The following PCDHGA10 variants were observed in gnomAD, a reference collection of about 807,000 sequenced individuals.
PCDHGA10 encodes protocadherin gamma subfamily A, 10.
Under a neutral mutation model 59.5 loss-of-function variants are expected in PCDHGA10, and 42 were observed. The observed-to-expected ratio is 0.71, with a 90% CI of 0.55 to 0.91. The LOEUF (loss-of-function observed/expected upper bound fraction) is 0.91, where lower values mean the gene tolerates loss of function less well. Among genes scored for constraint, PCDHGA10 ranks in the 40% least tolerant of loss-of-function variants. PCDHGA10 has a pLI of 0.00. For missense variants in PCDHGA10, 1,111 were observed against 1,198.2 expected (o/e 0.93, Z 1.07); for synonymous variants, 511 against 517.2 (o/e 0.99, Z 0.16).
At position 141,484,105 on chromosome 5, in the gene PCDHGA10, A is replaced by G. The variant is rs548687877; in HGVS notation, c.2437-10702A>G. On this transcript the variant is annotated intron_variant, in intron 1 of 3. Coordinates refer to ENST00000398610, the MANE Select transcript of PCDHGA10 (RefSeq NM_018913.3). Reference sequence around the variant, plus strand: ...GAAATGGTCTTCGTTGGTAATTAACAAAAGATCAAGAATACCTTGGTGTCA... The same window carrying G: ...GAAATGGTCTTCGTTGGTAATTAACGAAAGATCAAGAATACCTTGGTGTCA... Among the ~76,000 whole-genome samples, 3 of 152,316 alleles carry G rather than the reference A, an allele frequency of 2.0e-5. No individual in the cohort carries two copies. In the South Asian group the frequency reaches 6.2e-4, roughly 32 times the overall value.
Position 141,476,464 on chromosome 5 carries a change from G to A in PCDHGA10, c.2437-18343G>A, listed in dbSNP as rs745664477. On this transcript the variant is annotated intron_variant, in intron 1 of 3. Transcript: ENST00000398610. This position sits in a 1 kb window ranked among gnomAD's most constrained non-coding sequence, Gnocchi z 7.6. ...TGGAGTTGGTAGTGGAGAACCCGCT[G>A]GAGCTGTTCAGCGTGGAAGTGGTGA... 3 of 1,614,140 alleles carry A rather than the reference G, an allele frequency of 1.9e-6. No homozygotes were observed. Among genetic ancestry groups the A allele is most frequent in the Non-Finnish European group, 2.5e-6 (3 of 1,180,014 alleles).
At chr5:141,446,231 C>T (rs1412899811) in intron 1 of PCDHGA10, among the ~76,000 whole-genome samples, 2 of 152,176 alleles carry the variant, frequency 1.3e-5, no homozygotes, top group African/African-American at 2.4e-5. Flanking sequence ...TGTTGCCTGG[C>T]AAGTGGTAGA....
At chr5:141,419,803 T>C (rs2096436352) in intron 1 of PCDHGA10, 3 of 1,614,026 alleles carry the variant, frequency 1.9e-6, no homozygotes, top group Non-Finnish European at 2.5e-6. Context: ...CTGTAAGAGA[T>C]GGAGGACAGC....
chr5:141,484,653 C>G (rs2099598614), intron 1 of PCDHGA10, among the ~76,000 whole-genome samples: 1 of 152,036 alleles, frequency 6.6e-6, no homozygotes, highest in Non-Finnish European at 1.5e-5. Flanking sequence ...AATGGCTACT[C>G]TCCCTCTCAG....
intron 2 of PCDHGA10, among the ~76,000 whole-genome samples, chr5:141,495,452 C>G (rs543717781): frequency 1.3e-5 from 2 of 152,356 alleles, no homozygotes; most frequent in South Asian, 2.1e-4. Context: ...TTGTCCTGCT[C>G]TCTGTCTGTG....
At position 141,432,942 on chromosome 5, in the gene PCDHGA10, C is replaced by G. The variant is rs1346694514; in HGVS notation, c.2436+17331C>G. ...CACAAGTCACGCCTGCTGCAGGCTT[C>G]AGGAGGCGGCTTGACAGGAGCGCCG... On this transcript the variant is annotated intron_variant, in intron 1 of 3. Coordinates refer to ENST00000398610, the MANE Select transcript of PCDHGA10 (RefSeq NM_018913.3). The surrounding 1 kb of genome is among the most constrained non-coding windows in gnomAD (Gnocchi z 6.0). The G allele has an allele frequency of 1.2e-6, 2 of 1,614,190 alleles. No individual in the cohort carries two copies. Among genetic ancestry groups the G allele is most frequent in the Non-Finnish European group, 1.7e-6 (2 of 1,180,036 alleles).
chr5:141,475,653 G>T (rs982063429), intron 1 of PCDHGA10, among the ~76,000 whole-genome samples: 2 of 152,238 alleles, frequency 1.3e-5, no homozygotes, highest in African/African-American at 2.4e-5. Context: ...CAAAGAAAGT[G>T]ATTCAAATGT....
chr5:141,494,729 C>T (rs2099756368), intron 1 of PCDHGA10, 78 bp from the exon 2 acceptor site: 31 of 1,610,050 alleles, frequency 1.9e-5, no homozygotes, highest in Admixed American at 3.3e-5. Flanking sequence ...CCTTCTCTCC[C>T]GGCCCATCCC....
Position 141,511,107 on chromosome 5 carries a change from G to A in PCDHGA10, c.2745G>A (p.Arg915=), listed in dbSNP as rs2099883608. 1 of 1,614,220 alleles carries A rather than the reference G, an allele frequency of 6.2e-7. No homozygotes were observed. Among genetic ancestry groups the A allele is most frequent in the Non-Finnish European group, 8.5e-7 (1 of 1,180,020 alleles). Residue 915 remains arginine, a synonymous_variant, in exon 4 of 4, where the codon CGG becomes CGA. Coordinates refer to ENST00000398610, the MANE Select transcript of PCDHGA10 (RefSeq NM_018913.3). Reference sequence around the variant, plus strand: ...CACTGACCAACGCAGCTGGCAAGCGGGATGGCAAGGCCCCAGCAGGTGGCA... The same window carrying A: ...CACTGACCAACGCAGCTGGCAAGCGAGATGGCAAGGCCCCAGCAGGTGGCA... The part of the protein sequence containing the change: ...NATLTNAAGK[R]DGKAPAGGNG...
Position 141,431,682 on chromosome 5 carries a change from A to C in PCDHGA10, c.2436+16071A>C. The C allele has an allele frequency of 1.2e-6, 2 of 1,614,232 alleles. No homozygotes were observed. Among genetic ancestry groups the C allele is most frequent in the Non-Finnish European group, 1.7e-6 (2 of 1,180,042 alleles). ...ACAATATCAACAATAGGGGAGTTGG[A>C]CCACGAGGAGTCAGGATTCTACCAG... On this transcript the variant is annotated intron_variant, in intron 1 of 3. Transcript: ENST00000398610. The surrounding 1 kb of genome is among the most constrained non-coding windows in gnomAD (Gnocchi z 4.8).
intron 1 of PCDHGA10, among the ~76,000 whole-genome samples, chr5:141,483,272 A>T (rs545719861): frequency 4.4e-4 from 67 of 152,196 alleles, no homozygotes; most frequent in African/African-American, 1.4e-3. Flanking sequence ...TGTTTTAGAA[A>T]TATTATTCTG....
rs571588941 is a variant in PCDHGA10, at chr5:141,428,181, A to T, written c.2436+12570A>T. The T allele has an allele frequency of 1.2e-4, 181 of 1,486,230 alleles. 2 individuals carry two copies. In the South Asian group the frequency reaches 2.0e-3, roughly 16 times the overall value. The allele number at this position is 1,486,230 out of a possible 1,614,324, so 92.1% of individuals were successfully genotyped here. A position where few individuals can be genotyped will look rare whatever the true frequency, so the allele number is the denominator to read the frequency against. ...CTGGTTGCTGTGCGTGACGGAGGAC[A>T]GCCGCCGCTCTCTGCGCCGCTACGC... On this transcript the variant is annotated intron_variant, in intron 1 of 3. Coordinates refer to ENST00000398610, the MANE Select transcript of PCDHGA10 (RefSeq NM_018913.3).
Position 141,431,435 on chromosome 5 carries a change from G to T in PCDHGA10, c.2436+15824G>T. On this transcript the variant is annotated intron_variant, in intron 1 of 3. Coordinates refer to ENST00000398610, the MANE Select transcript of PCDHGA10 (RefSeq NM_018913.3). This position sits in a 1 kb window ranked among gnomAD's most constrained non-coding sequence, Gnocchi z 4.8. The stretch of plus-strand genomic sequence containing the variant: ...GGGCGACCCGGTGCGCACAGGCACC[G>T]CGCGCATCCGCGTGATGGTTCTGGA... The T allele has an allele frequency of 6.2e-7, 1 of 1,613,668 alleles. No individual in the cohort carries two copies. Among genetic ancestry groups the T allele is most frequent in the Non-Finnish European group, 8.5e-7 (1 of 1,180,026 alleles).
At chr5:141,488,620 C>A (rs1271344928) in intron 1 of PCDHGA10, among the ~76,000 whole-genome samples, 1 of 152,164 alleles carries the variant, frequency 6.6e-6, no homozygotes, top group East Asian at 1.9e-4. Context: ...CTAATCTTTT[C>A]TCTCACCTTA....
At position 141,431,294 on chromosome 5, in the gene PCDHGA10, T is replaced by C; in HGVS notation, c.2436+15683T>C. 1.9e-6 allele frequency: 3 copies of C among 1,614,096 alleles called. No individual in the cohort carries two copies. Among genetic ancestry groups the C allele is most frequent in the Non-Finnish European group, 2.5e-6 (3 of 1,180,026 alleles). ...CGAGCTCAGCCCGAACACTCACTTC[T>C]CCCTCATCGTGCAAAATGGAGCCGA... On this transcript the variant is annotated intron_variant, in intron 1 of 3. Transcript: ENST00000398610. The surrounding 1 kb of genome is among the most constrained non-coding windows in gnomAD (Gnocchi z 4.8).
rs2097423534 is a variant in PCDHGA10 at position 141,431,850 on chromosome 5, C to A, written c.2436+16239C>A. 6.2e-7 allele frequency: 1 copy of A among 1,614,234 alleles called. No individual in the cohort carries two copies. ...GTTCCCGAAAACTCTCCCAGAGGGA[C>A]ATTAATTGCCCTTTTAAATGTAAAT... On this transcript the variant is annotated intron_variant, in intron 1 of 3. Coordinates refer to ENST00000398610, the MANE Select transcript of PCDHGA10 (RefSeq NM_018913.3). This position sits in a 1 kb window ranked among gnomAD's most constrained non-coding sequence, Gnocchi z 4.8.
chr5:141,433,176 T>A, intron 1 of PCDHGA10: 1 of 1,610,288 alleles, frequency 6.2e-7, no homozygotes, highest in Non-Finnish European at 8.5e-7. Flanking sequence ...AGTCATGGGT[T>A]AATTGAGGTG....
At chr5:141,468,063 A>G (rs2099157033) in intron 1 of PCDHGA10, among the ~76,000 whole-genome samples, 1 of 152,064 alleles carries the variant, frequency 6.6e-6, no homozygotes, top group South Asian at 2.1e-4. Flanking sequence ...AGTGGCTCAC[A>G]CCTGTAATCC....
intron 1 of PCDHGA10, among the ~76,000 whole-genome samples, chr5:141,455,406 CAG>C (rs1306843200): frequency 3.3e-5 from 5 of 152,226 alleles, no homozygotes; most frequent in Non-Finnish European, 5.9e-5. Flanking sequence ...CTTACAGAGA[CAG>C]AGGGAGCGGG....
Sources: gnomAD v4.1 joint callset for allele counts (sites outside exome capture counted in the v4.1 genomes callset) on GRCh38, gnomAD v4.1.1 for gene constraint, Gnocchi (gnomAD v3.1) non-coding constraint, MANE v1.5 for transcripts, NCBI Gene and HGNC (gene_info 2026-07-23, HGNC 2026-07-21) for gene names.